AGMO: variants seen among roughly 807,000 people sequenced by gnomAD.
The protein encoded by AGMO is alkylglycerol monooxygenase, also known as glyceryl-ether monooxygenase.
Under a neutral mutation model 60.2 loss-of-function variants are expected in AGMO, and 75 were observed. The observed-to-expected ratio is 1.25, with a 90% CI of 1.03 to 1.51. The LOEUF is 1.51. Ranked by LOEUF, AGMO falls within the 40% of genes most tolerant of loss-of-function variation. The probability of loss-of-function intolerance (pLI) is 0.00; values close to 1 mark genes in which losing one functional copy is unlikely to be tolerated. For synonymous variants in AGMO, 261 were observed against 177.1 expected (o/e 1.47, Z -3.76); for missense variants, 763 against 525.5 (o/e 1.45, Z -4.42).
chr7:15,418,781 T>C, intron 4 of AGMO, 128 bp from the exon 5 acceptor site: 1 of 595,040 alleles, frequency 1.7e-6, no homozygotes. Flanking sequence ...TATATTTTAT[T>C]GCCATGTTTA....
intron 12 of AGMO, among the ~76,000 whole-genome samples, chr7:15,334,290 T>G (rs1375955293): frequency 1.4e-5 from 2 of 139,022 alleles, no homozygotes; most frequent in African/African-American, 3.2e-5. Flanking sequence ...ATCAAAAAAG[T>G]GTTATTTATA....
At chr7:15,561,492 C>G (rs914133190) in intron 1 of AGMO, among the ~76,000 whole-genome samples, 1 of 152,182 alleles carries the variant, frequency 6.6e-6, no homozygotes, top group Admixed American at 6.5e-5. Context: ...TTGTCATATT[C>G]TGGAGTGACA....
chr7:15,274,498 G>A (rs917448311), intron 12 of AGMO, among the ~76,000 whole-genome samples: 35 of 152,158 alleles, frequency 2.3e-4, no homozygotes, highest in African/African-American at 8.4e-4. Context: ...GCTTTTTGAT[G>A]TGCTGCTGGA....
intron 12 of AGMO, among the ~76,000 whole-genome samples, chr7:15,251,457 A>G (rs1446753975): frequency 6.6e-6 from 1 of 152,246 alleles, no homozygotes; most frequent in Admixed American, 6.5e-5. Context: ...AAAGGGAGCA[A>G]CTACATTCCT....
downstream of AGMO, among the ~76,000 whole-genome samples, chr7:15,197,235 G>C (rs1217643776): frequency 6.6e-6 from 1 of 151,984 alleles, no homozygotes; most frequent in African/African-American, 2.4e-5. Context: ...ACATTAAAAA[G>C]GAAGCTTATT....
chr7:15,560,224 G>T lies in AGMO; in HGVS notation c.174C>A (p.Ser58Arg), dbSNP rs1414183977. Residue 58 changes from serine to arginine, a missense_variant, in exon 2 of 13, where the codon AGC becomes AGA. By Grantham distance (110) the Ser-to-Arg change is moderately radical. Transcript: ENST00000342526. ...ISLMLLELVV[S>R]WILKGKPPGR... ...CTGGTGGCTTTCCTTTGAGAATCCA[G>T]CTGACAACAAGTTCAAGCAGCATCA... is the stretch of plus-strand genomic sequence containing the variant. The T allele has an allele frequency of 2.7e-5, 44 of 1,612,944 alleles. No homozygotes were observed. Among genetic ancestry groups the T allele is most frequent in the Non-Finnish European group, 3.7e-5 (44 of 1,179,322 alleles).
chr7:15,262,218 T>C (rs372969675), intron 12 of AGMO, among the ~76,000 whole-genome samples: 40 of 152,138 alleles, frequency 2.6e-4, no homozygotes, highest in African/African-American at 9.6e-4. Context: ...TGTGATTGTA[T>C]ACTTAGAAAG....
chr7:15,171,988 A>G, the AGMO span, among the ~76,000 whole-genome samples: 2 of 152,172 alleles, frequency 1.3e-5, no homozygotes, highest in East Asian at 1.9e-4. Context: ...GGCCTGGGAT[A>G]ACCTCAGATC....
the AGMO span, among the ~76,000 whole-genome samples, chr7:15,131,554 T>G: frequency 6.6e-6 from 1 of 152,146 alleles, no homozygotes; most frequent in Non-Finnish European, 1.5e-5. Flanking sequence ...GAAGATTACA[T>G]AAATTGTTTG....
intron 6 of AGMO, 41 bp from the exon 7 acceptor site, chr7:15,390,946 G>T: frequency 2.3e-6 from 3 of 1,300,516 alleles, no homozygotes; most frequent in African/African-American, 1.5e-5. Flanking sequence ...CAGAAAAATA[G>T]TTATGCTTTT....
At chr7:15,285,931 C>T (rs1045146932) in intron 12 of AGMO, among the ~76,000 whole-genome samples, 3 of 151,920 alleles carry the variant, frequency 2.0e-5, no homozygotes, top group African/African-American at 4.8e-5. Flanking sequence ...TACTTACAAC[C>T]AAAACTGAGG....
chr7:15,274,794 T>A (rs1783731556), intron 12 of AGMO, among the ~76,000 whole-genome samples: 1 of 151,704 alleles, frequency 6.6e-6, no homozygotes, highest in African/African-American at 2.4e-5. Context: ...AATCATGGGG[T>A]TCCAGGAATT....
chr7:15,538,425 G>C lies in AGMO; in HGVS notation c.409+6347C>G, dbSNP rs567340647. The stretch of plus-strand genomic sequence containing the variant: ...TTTTTTAATGTTTTGTAAAGACGAA[G>C]TCTCTCCATGTTGTCCAGGTTGGTC... On this transcript the variant is annotated intron_variant, in intron 3 of 12. Transcript: ENST00000342526. Among the ~76,000 whole-genome samples, 5 of 152,148 alleles carry C rather than the reference G, an allele frequency of 3.3e-5. No individual in the cohort carries two copies. The South Asian group carries it at 1.0e-3, about 32-fold the overall frequency.
chr7:15,357,176 A>G (rs1583451445), intron 12 of AGMO, among the ~76,000 whole-genome samples: 1 of 140,006 alleles, frequency 7.1e-6, no homozygotes, highest in East Asian at 2.1e-4. Flanking sequence ...AAATTGCTCT[A>G]TACTATGAAT....
At chr7:15,392,694 G>A (rs1469273468) in intron 6 of AGMO, among the ~76,000 whole-genome samples, 1 of 152,028 alleles carries the variant, frequency 6.6e-6, no homozygotes, top group African/African-American at 2.4e-5. Context: ...AGTTACTTGG[G>A]AGGCTGCAGC....
chr7:15,523,745 T>G (rs1262696935), intron 3 of AGMO, among the ~76,000 whole-genome samples: 1 of 152,070 alleles, frequency 6.6e-6, no homozygotes, highest in African/African-American at 2.4e-5. Flanking sequence ...GATGACAGGT[T>G]GATGGGTGCA....
At chr7:15,180,309 A>G in the AGMO span, among the ~76,000 whole-genome samples, 2 of 152,068 alleles carry the variant, frequency 1.3e-5, no homozygotes, top group Non-Finnish European at 2.9e-5. Flanking sequence ...GTTAAAAGTC[A>G]CCCTATAGAA....
the AGMO span, among the ~76,000 whole-genome samples, chr7:15,146,363 T>A: frequency 3.9e-5 from 6 of 152,138 alleles, no homozygotes; most frequent in Admixed American, 3.9e-4. Context: ...AATATTGTAA[T>A]CCCAAATGAA....
downstream of AGMO, among the ~76,000 whole-genome samples, chr7:15,197,144 G>T (rs1781138610): frequency 6.6e-6 from 1 of 151,902 alleles, no homozygotes; most frequent in Non-Finnish European, 1.5e-5. Flanking sequence ...AATGTTTTAA[G>T]ATTCTGAAAG....
Sources: allele counts gnomAD v4.1 joint callset (sites outside exome capture counted in the v4.1 genomes callset), GRCh38; gene constraint gnomAD v4.1.1; transcripts MANE v1.5; gene names NCBI Gene and HGNC (gene_info 2026-07-23, HGNC 2026-07-21).